The following LYZL4 variants were observed in gnomAD, a reference collection of about 807,000 sequenced individuals.
LYZL4 encodes lysozyme-like protein 4.
A neutral mutation model predicts 17.6 loss-of-function variants in LYZL4; 13 were observed. The observed-to-expected ratio is 0.74, with a 90% CI of 0.48 to 1.18. The LOEUF is 1.18. Ranked by LOEUF, LYZL4 falls within the 50% of genes most tolerant of loss-of-function variation. LYZL4 has a pLI of 0.00. For synonymous variants in LYZL4, 64 were observed against 67.7 expected (o/e 0.95, Z 0.27); for missense variants, 174 against 188.2 (o/e 0.92, Z 0.44).
In LYZL4 at chr3:42,407,282, C is replaced by T. The variant is rs373934529; in HGVS notation, c.-31G>A. ...CCAGGCTCCTGGCAGGTCAGGGCAA[C>T]GGTGGCCAGATGAGTGGGTGGAGTC... is the stretch of plus-strand genomic sequence containing the variant. On this transcript the variant is annotated 5_prime_UTR_variant, in exon 2 of 5. Coordinates refer to ENST00000287748, the MANE Select transcript of LYZL4 (RefSeq NM_144634.4). 1.1e-5 allele frequency: 18 copies of T among 1,612,774 alleles called. No individual in the cohort carries two copies. Among genetic ancestry groups the T allele is most frequent in the African/African-American group, 9.3e-5 (7 of 74,886 alleles).
intron 1 of LYZL4, among the ~76,000 whole-genome samples, chr3:42,409,142 G>A (rs1698817009): frequency 6.6e-6 from 1 of 152,150 alleles, no homozygotes; most frequent in Non-Finnish European, 1.5e-5. Flanking sequence ...TTACCCCTCA[G>A]TGGCTGAGAT....
At chr3:42,389,470 G>A in the LYZL4 span, among the ~76,000 whole-genome samples, 1 of 152,198 alleles carries the variant, frequency 6.6e-6, no homozygotes, top group African/African-American at 2.4e-5. Context: ...ACTTGCTCCT[G>A]TAGCTCTTCT....
the LYZL4 span, among the ~76,000 whole-genome samples, chr3:42,371,375 A>G: frequency 6.6e-6 from 1 of 152,316 alleles, no homozygotes; most frequent in Non-Finnish European, 1.5e-5. Flanking sequence ...CTACTTTTGC[A>G]TTCATATGCC....
At chr3:42,369,826 T>C in the LYZL4 span, among the ~76,000 whole-genome samples, 1 of 152,220 alleles carries the variant, frequency 6.6e-6, no homozygotes, top group Non-Finnish European at 1.5e-5. Context: ...GCTTGAGGCT[T>C]CATGCAAGCA....
chr3:42,382,460 A>G, the LYZL4 span, among the ~76,000 whole-genome samples: 2 of 152,136 alleles, frequency 1.3e-5, no homozygotes, highest in Admixed American at 1.3e-4. Flanking sequence ...ATATTTATCA[A>G]GAAAAATATT....
chr3:42,395,234 G>C (rs1698535108), downstream of LYZL4, among the ~76,000 whole-genome samples: 1 of 152,144 alleles, frequency 6.6e-6, no homozygotes, highest in Non-Finnish European at 1.5e-5. Flanking sequence ...AAAAAGAAAG[G>C]CTGAATTGAT....
chr3:42,393,061 G>T (rs1268032121), downstream of LYZL4, among the ~76,000 whole-genome samples: 1 of 152,128 alleles, frequency 6.6e-6, no homozygotes, highest in Non-Finnish European at 1.5e-5. Context: ...TGAATGAGGG[G>T]CAGGAACAGG....
At chr3:42,361,263 A>C in the LYZL4 span, among the ~76,000 whole-genome samples, 1 of 152,032 alleles carries the variant, frequency 6.6e-6, no homozygotes, top group Middle Eastern at 3.2e-3. Flanking sequence ...TCCATCTGAC[A>C]ACATGTATTG....
chr3:42,399,478 C>G (rs976217987), intron 4 of LYZL4, among the ~76,000 whole-genome samples: 3 of 152,188 alleles, frequency 2.0e-5, no homozygotes, highest in Admixed American at 1.3e-4. Context: ...AACATCTATA[C>G]AGTGGGGTAC....
At chr3:42,381,847 A>G in the LYZL4 span, among the ~76,000 whole-genome samples, 1 of 152,360 alleles carries the variant, frequency 6.6e-6, no homozygotes, top group Non-Finnish European at 1.5e-5. Context: ...CCTCCCTCCT[A>G]AAGGCGGAGT....
At chr3:42,407,403 G>A (rs769246647) in intron 1 of LYZL4, 60 bp from the exon 2 acceptor site, 6 of 957,468 alleles carry the variant, frequency 6.3e-6, no homozygotes, top group East Asian at 2.6e-5. Flanking sequence ...GTCTCACCTG[G>A]TAAGCCATGA....
chr3:42,399,752 G>A (rs552604693), intron 4 of LYZL4, among the ~76,000 whole-genome samples: 1 of 152,110 alleles, frequency 6.6e-6, no homozygotes, highest in Non-Finnish European at 1.5e-5. Context: ...AAGTAAAAAT[G>A]TTATGAATGA....
chr3:42,409,286 C>T (rs1559457746), intron 1 of LYZL4, among the ~76,000 whole-genome samples: 1 of 152,174 alleles, frequency 6.6e-6, no homozygotes, highest in Non-Finnish European at 1.5e-5. Context: ...TAAATATGCA[C>T]AGCACTAGAT....
the LYZL4 span, among the ~76,000 whole-genome samples, chr3:42,384,436 G>A: frequency 6.6e-6 from 1 of 152,124 alleles, no homozygotes; most frequent in South Asian, 2.1e-4. Context: ...AAGAATGACA[G>A]GTGTGCATGA....
intron 4 of LYZL4, among the ~76,000 whole-genome samples, chr3:42,398,017 C>G (rs72859459): frequency 6.6e-6 from 1 of 152,156 alleles, no homozygotes; most frequent in Non-Finnish European, 1.5e-5. Flanking sequence ...CATCCCACCC[C>G]TCAGCGGGCC....
the LYZL4 span, among the ~76,000 whole-genome samples, chr3:42,372,278 C>T: frequency 6.6e-6 from 1 of 152,180 alleles, no homozygotes; most frequent in African/African-American, 2.4e-5. Context: ...TCTGTGGGCT[C>T]CATTTTCTCA....
At chr3:42,404,688 A>G (rs376412779) in intron 3 of LYZL4, among the ~76,000 whole-genome samples, 3 of 152,184 alleles carry the variant, frequency 2.0e-5, no homozygotes, top group Admixed American at 6.5e-5. Context: ...AGATAGATTT[A>G]TAGATAGATA....
intron 4 of LYZL4, among the ~76,000 whole-genome samples, chr3:42,401,713 AG>A (rs1698656398): frequency 6.6e-6 from 1 of 152,216 alleles, no homozygotes; most frequent in African/African-American, 2.4e-5. Flanking sequence ...AAAAAAATAA[AG>A]GTAACCAAAA....
chr3:42,403,384 C>T (rs1318936220), intron 4 of LYZL4, among the ~76,000 whole-genome samples: 1 of 151,920 alleles, frequency 6.6e-6, no homozygotes, highest in Non-Finnish European at 1.5e-5. Context: ...CTCAGCCTCC[C>T]GAGTTGCTGG....
Sources: allele counts gnomAD v4.1 joint callset (sites outside exome capture counted in the v4.1 genomes callset), GRCh38; gene constraint gnomAD v4.1.1; transcripts MANE v1.5; gene names NCBI Gene and HGNC (gene_info 2026-07-23, HGNC 2026-07-21).